Variants in ENC1 observed in about 807,000 individuals in gnomAD.
ENC1 encodes ectoderm-neural cortex protein 1.
In ENC1, 19 loss-of-function variants were observed where a neutral mutation model predicts 40.9. The ratio of observed to expected loss-of-function variants is 0.46; its 90% CI spans 0.32 to 0.68. The LOEUF is 0.68. Ranked by LOEUF, ENC1 falls within the 30% of genes least tolerant of loss-of-function variation. The pLI is 0.03. For missense variants in ENC1, 479 were observed against 737.5 expected, an observed-to-expected ratio of 0.65 and a Z score of 4.06; for synonymous variants, 285 against 291.1, an observed-to-expected ratio of 0.98 and a Z score of 0.21.
chr5:74,640,662 C>G lies in ENC1; in HGVS notation c.-369G>C, dbSNP rs904069115. The G allele has an allele frequency of 6.6e-6, 1 of 152,424 alleles. No homozygotes were observed. Among genetic ancestry groups the G allele is most frequent in the African/African-American group, 2.4e-5 (1 of 41,430 alleles). The allele number at this position is 152,424 out of a possible 1,614,324, so 9.4% of individuals were successfully genotyped here. A position where few individuals can be genotyped will look rare whatever the true frequency, so the allele number is the denominator to read the frequency against. ...GCCTTGTGTGCCGGCGGCCGCCAGG[C>G]GTCTGGACCGGGTCTCCGCAGCGCC... On this transcript the variant is annotated 5_prime_UTR_variant, in exon 1 of 3. Coordinates refer to ENST00000302351, the MANE Select transcript of ENC1 (RefSeq NM_003633.4).
At chr5:74,634,502 G>A (rs1454467217) in intron 2 of ENC1, among the ~76,000 whole-genome samples, 182 bp downstream of exon 2, 7 of 152,170 alleles carry the variant, frequency 4.6e-5, no homozygotes, top group Non-Finnish European at 1.0e-4. Context: ...TAATGCCATG[G>A]TGGGGGCTGA....
intron 2 of ENC1, among the ~76,000 whole-genome samples, chr5:74,633,514 G>T (rs1747462249): frequency 6.6e-6 from 1 of 152,142 alleles, no homozygotes; most frequent in Non-Finnish European, 1.5e-5. Context: ...ATCTTTAAAG[G>T]TAATAAACGC....
At chr5:74,640,134 G>A (rs1381865832) in intron 1 of ENC1, 173 bp downstream of exon 1, 2 of 151,880 alleles carry the variant, frequency 1.3e-5, no homozygotes, top group Non-Finnish European at 2.9e-5. Flanking sequence ...TGCTGTGGGA[G>A]GGCAGCGGCG....
Position 74,635,812 on chromosome 5 carries a change from C to G in ENC1, c.674G>C (p.Arg225Pro). The G allele has an allele frequency of 6.2e-7, 1 of 1,613,998 alleles. No homozygotes were observed. Among genetic ancestry groups the G allele is most frequent in the Non-Finnish European group, 8.5e-7 (1 of 1,180,012 alleles). ...CAACAGTTCTGGGAGGTAGCAATAG[C>G]GCTTCTTCAGGTCATAGCTGATCCA... ...INWISYDLKK[R>P]YCYLPELLQT... Residue 225 changes from arginine (R) to proline (P), a missense_variant, in exon 2 of 3, where the codon CGC (arginine) becomes CCC (proline). Transcript: ENST00000302351. The surrounding 1 kb of genome is among the most constrained non-coding windows in gnomAD (Gnocchi z 5.5).
rs761802448 is a variant in ENC1 at position 74,635,943 on chromosome 5, C to T, written c.543G>A (p.Lys181=). The stretch of plus-strand genomic sequence containing the variant: ...GGGGCAGCTGGAGGAAATCTTCATT[C>T]TTCCTGATGGTTTGGAAGTTGCTGA... The part of the protein sequence containing the change: ...MCLSNFQTIR[K]NEDFLQLPQD... Residue 181 remains lysine (K), a synonymous_variant, in exon 2 of 3, where the codon AAG becomes AAA. Transcript: ENST00000302351. The surrounding 1 kb of genome is among the most constrained non-coding windows in gnomAD (Gnocchi z 5.5). 28 of 1,613,998 alleles carry T rather than the reference C, an allele frequency of 1.7e-5. No homozygotes were observed. The highest frequency in any genetic ancestry group is 1.7e-6 in the Non-Finnish European group (2 of 1,180,034).
intron 1 of ENC1, chr5:74,637,753 T>A (rs2021526): frequency 6.8e-6 from 1 of 146,892 alleles, no homozygotes; most frequent in Non-Finnish European, 1.5e-5. Flanking sequence ...AATCAAAAAA[T>A]ACGTGTGTGT....
At chr5:74,630,383 G>C (rs1362175561) in intron 2 of ENC1, among the ~76,000 whole-genome samples, 1 of 152,168 alleles carries the variant, frequency 6.6e-6, no homozygotes, top group Non-Finnish European at 1.5e-5. Context: ...TGGTTAAACA[G>C]AGCGACTGTA....
At chr5:74,638,046 C>A (rs1302651037) in intron 1 of ENC1, among the ~76,000 whole-genome samples, 3 of 152,126 alleles carry the variant, frequency 2.0e-5, no homozygotes, top group Admixed American at 1.3e-4. Flanking sequence ...CAAGAACCTG[C>A]CTGTCCAAGG....
intron 1 of ENC1, among the ~76,000 whole-genome samples, chr5:74,639,226 A>T (rs1747732802): frequency 6.6e-6 from 1 of 152,260 alleles, no homozygotes; most frequent in Non-Finnish European, 1.5e-5. Flanking sequence ...AAAACTGTGC[A>T]AACCTCAAAA....
chr5:74,638,482 A>T (rs1747693044), intron 1 of ENC1, among the ~76,000 whole-genome samples: 1 of 152,236 alleles, frequency 6.6e-6, no homozygotes, highest in South Asian at 2.1e-4. Context: ...GGAAGACTTT[A>T]CAAAGCACCC....
rs1580349770 is a variant in ENC1, at chr5:74,636,801, G to A, written c.-13-303C>T. ...CCTGATTGCCAACTTTCAGGCCATC[G>A]AAGTCTTTTAGAATATAAGTCAGCA... On this transcript the variant is annotated intron_variant, in intron 1 of 2. Coordinates refer to ENST00000302351, the MANE Select transcript of ENC1 (RefSeq NM_003633.4). The surrounding 1 kb of genome is among the most constrained non-coding windows in gnomAD (Gnocchi z 4.8). Among the ~76,000 whole-genome samples, 3 of 151,482 alleles carry A rather than the reference G, an allele frequency of 2.0e-5. No individual in the cohort carries two copies. Among genetic ancestry groups the A allele is most frequent in the Admixed American group, 2.0e-4 (3 of 15,234 alleles).
At chr5:74,631,543 A>T (rs1185457397) in intron 2 of ENC1, among the ~76,000 whole-genome samples, 1 of 152,182 alleles carries the variant, frequency 6.6e-6, no homozygotes, top group Non-Finnish European at 1.5e-5. Flanking sequence ...TTTAACCAAC[A>T]TTCTCCCTGT....
chr5:74,636,200 C>T lies in ENC1; in HGVS notation c.286G>A (p.Glu96Lys), dbSNP rs1307300267. 1 of 1,614,058 alleles carries T rather than the reference C, an allele frequency of 6.2e-7. No individual in the cohort carries two copies. The highest frequency in any genetic ancestry group is 8.5e-7 in the Non-Finnish European group (1 of 1,180,034). ...TAGTCAAGCAGCAGCTCCAAGACTT[C>T]TGGGTGGATGGAATTGTCAAAGTTG... is the stretch of plus-strand genomic sequence containing the variant. ...EVNFDNSIHP[E>K]VLELLLDYAY... The change falls in exon 2 of 3, where the codon GAA becomes AAA. Residue 96 changes from glutamate (E) to lysine (K), a missense_variant. Transcript: ENST00000302351. This position sits in a 1 kb window ranked among gnomAD's most constrained non-coding sequence, Gnocchi z 4.8.
chr5:74,638,696 C>T (rs1190907421), intron 1 of ENC1, among the ~76,000 whole-genome samples: 1 of 152,192 alleles, frequency 6.6e-6, no homozygotes, highest in African/African-American at 2.4e-5. Context: ...ACTGTAGTTG[C>T]TATTTTAATT....
chr5:74,631,117 C>A (rs1230732412), intron 2 of ENC1, among the ~76,000 whole-genome samples: 3 of 151,370 alleles, frequency 2.0e-5, no homozygotes, highest in African/African-American at 7.3e-5. Flanking sequence ...AAAAGGAATA[C>A]ACACACCCTC....
rs1222827994 is a variant in ENC1 at position 74,635,340 on chromosome 5, GC to G, written c.1145del (p.Gly382AlafsTer5). ...APMLVARFGH[G>X]SAELKHCLYV... ...ACAGGCAGTGCTTCAGTTCAGCAGA[GC>G]CATGGCCAAACCTGGCCACCAGCAT... On this transcript the variant is annotated frameshift_variant, in exon 2 of 3. Coordinates refer to ENST00000302351, the MANE Select transcript of ENC1 (RefSeq NM_003633.4). LOFTEE classifies it high-confidence loss of function. This position sits in a 1 kb window ranked among gnomAD's most constrained non-coding sequence, Gnocchi z 5.5. The G allele has an allele frequency of 6.2e-7, 1 of 1,614,096 alleles. No homozygotes were observed. Among genetic ancestry groups the G allele is most frequent in the Non-Finnish European group, 8.5e-7 (1 of 1,180,044 alleles).
intron 2 of ENC1, among the ~76,000 whole-genome samples, chr5:74,633,757 G>A (rs1747471636): frequency 6.6e-6 from 1 of 152,158 alleles, no homozygotes; most frequent in African/African-American, 2.4e-5. Context: ...CAGTGCTGAT[G>A]CCCTAGAGCC....
chr5:74,635,646 G>A lies in ENC1; in HGVS notation c.840C>T (p.Asp280=), dbSNP rs372442874. The A allele has an allele frequency of 5.3e-5, 85 of 1,614,186 alleles. No individual in the cohort carries two copies. The highest frequency in any genetic ancestry group is 1.2e-4 in the African/African-American group (9 of 75,046). ...GGGCACAGAGGCTGGTTACCACACCGTCATTCTGCAGGATTTTCAGTTTGC... is the reference window on the plus strand; with the variant it reads ...GGGCACAGAGGCTGGTTACCACACCATCATTCTGCAGGATTTTCAGTTTGC... ...IRCKLKILQN[D]GVVTSLCARP... Residue 280 remains aspartate (D), a synonymous_variant, in exon 2 of 3, where the codon GAC becomes GAT. Transcript: ENST00000302351. This position sits in a 1 kb window ranked among gnomAD's most constrained non-coding sequence, Gnocchi z 5.5.
At chr5:74,630,593 G>C (rs1053632296) in intron 2 of ENC1, among the ~76,000 whole-genome samples, 1 of 152,158 alleles carries the variant, frequency 6.6e-6, no homozygotes, top group East Asian at 1.9e-4. Context: ...GGCCTCAACA[G>C]CCCAAGTTTG....
Sources: gnomAD v4.1 joint callset for allele counts (sites outside exome capture counted in the v4.1 genomes callset) on GRCh38, gnomAD v4.1.1 for gene constraint, Gnocchi (gnomAD v3.1) non-coding constraint, MANE v1.5 for transcripts, NCBI Gene and HGNC (gene_info 2026-07-23, HGNC 2026-07-21) for gene names.